The following CLMN variants were observed in gnomAD, a reference collection of about 807,000 sequenced individuals.
CLMN encodes calmin (calponin-like, transmembrane).
A neutral mutation model predicts 92.7 loss-of-function variants in CLMN; 57 were observed. That is an observed-to-expected ratio of 0.61 (90% CI 0.50 to 0.77). The LOEUF (loss-of-function observed/expected upper bound fraction) is 0.77, where lower values mean the gene tolerates loss of function less well. Among genes scored for constraint, CLMN ranks in the 30% least tolerant of loss-of-function variants. The probability of loss-of-function intolerance (pLI) is 0.00; values close to 1 mark genes in which losing one functional copy is unlikely to be tolerated. For synonymous variants in CLMN, 466 were observed against 470.6 expected (o/e 0.99, Z 0.13); for missense variants, 1,158 against 1,237.5 (o/e 0.94, Z 0.96).
chr14:95,277,586 T>C (rs184034624), intron 1 of CLMN, among the ~76,000 whole-genome samples: 213 of 152,364 alleles, frequency 1.4e-3, no homozygotes, highest in Non-Finnish European at 2.1e-3. Context: ...TGCCCAATGC[T>C]GTAGCTTAGT....
At chr14:95,312,156 T>A (rs11160241) in intron 1 of CLMN, among the ~76,000 whole-genome samples, 39,917 of 151,700 alleles carry the variant, frequency 0.26, 5,960 homozygotes, top group East Asian at 0.59. Context: ...CACCCTACAC[T>A]CCTGCAGGAC....
At chr14:95,313,667 G>GA (rs1006564859) in intron 1 of CLMN, among the ~76,000 whole-genome samples, 2 of 149,688 alleles carry the variant, frequency 1.3e-5, no homozygotes, top group East Asian at 3.9e-4. Context: ...CATGGGGAAA[G>GA]AAAAAAAATT....
At chr14:95,232,846 T>C (rs762636456) in intron 1 of CLMN, among the ~76,000 whole-genome samples, 8 of 152,224 alleles carry the variant, frequency 5.3e-5, no homozygotes, top group Non-Finnish European at 7.3e-5. Context: ...AGTCTGGTTG[T>C]TCCCCCTGTG....
At chr14:95,305,966 T>C (rs1045106233) in intron 1 of CLMN, among the ~76,000 whole-genome samples, 1 of 152,188 alleles carries the variant, frequency 6.6e-6, no homozygotes, top group Non-Finnish European at 1.5e-5. Flanking sequence ...AATTAGAGTA[T>C]AAGTTCATTT....
At chr14:95,229,356 T>C (rs947930199) in intron 2 of CLMN, among the ~76,000 whole-genome samples, 4 of 152,258 alleles carry the variant, frequency 2.6e-5, no homozygotes, top group South Asian at 2.1e-4. Flanking sequence ...TTTTGTTTTA[T>C]GGTGTGTGCA....
At chr14:95,275,684 AAC>A (rs1295055544) in intron 1 of CLMN, among the ~76,000 whole-genome samples, 1 of 152,170 alleles carries the variant, frequency 6.6e-6, no homozygotes, top group Non-Finnish European at 1.5e-5. Flanking sequence ...TTCTTTCTGA[AAC>A]AGTTTCACTT....
At chr14:95,253,337 G>C (rs1898862662) in intron 1 of CLMN, among the ~76,000 whole-genome samples, 1 of 152,176 alleles carries the variant, frequency 6.6e-6, no homozygotes, top group African/African-American at 2.4e-5. Context: ...TCACAGTCAG[G>C]GAGCAAGAGC....
At chr14:95,257,441 A>G (rs1899045808) in intron 1 of CLMN, among the ~76,000 whole-genome samples, 1 of 152,220 alleles carries the variant, frequency 6.6e-6, no homozygotes, top group Admixed American at 6.5e-5. Context: ...TCATAGAATA[A>G]TTATCTACTT....
chr14:95,205,388 T>A (rs183592319), intron 8 of CLMN, among the ~76,000 whole-genome samples: 2 of 152,110 alleles, frequency 1.3e-5, no homozygotes, highest in Non-Finnish European at 2.9e-5. Flanking sequence ...GGAGTTAGAA[T>A]TCACAAGCAA....
intron 1 of CLMN, among the ~76,000 whole-genome samples, chr14:95,248,858 T>C (rs952186880): frequency 1.3e-5 from 2 of 152,172 alleles, no homozygotes; most frequent in East Asian, 3.9e-4. Flanking sequence ...TTTTCTACCA[T>C]AAGTATATAT....
intron 1 of CLMN, among the ~76,000 whole-genome samples, chr14:95,308,843 T>C (rs1398121309): frequency 6.6e-6 from 1 of 152,228 alleles, no homozygotes; most frequent in Non-Finnish European, 1.5e-5. Context: ...TGCGCACGCA[T>C]GGGGGACCTT....
intron 1 of CLMN, among the ~76,000 whole-genome samples, chr14:95,282,202 G>A (rs2140742000): frequency 6.6e-6 from 1 of 152,340 alleles, no homozygotes; most frequent in South Asian, 2.1e-4. Context: ...AGCAGAGGAT[G>A]GGGCAGAAGG....
intron 1 of CLMN, among the ~76,000 whole-genome samples, chr14:95,305,445 T>C (rs996358863): frequency 6.6e-6 from 1 of 152,110 alleles, no homozygotes. Flanking sequence ...AAGAGAGAGT[T>C]CTCGCAAATT....
rs528161014 is a variant in CLMN at position 95,319,538 on chromosome 14, G to C, written c.82+173C>G. On this transcript the variant is annotated intron_variant, in intron 1 of 12. Coordinates refer to ENST00000298912, the MANE Select transcript of CLMN (RefSeq NM_024734.4). ...ACTGTAAACCTGGCCGCGGCTGGCC[G>C]CCCTGGGGCTTGGGGGCGGGTATCC... Among the ~76,000 whole-genome samples, 109 of 152,212 alleles carry C rather than the reference G, an allele frequency of 7.2e-4. 1 individual carries two copies. Among genetic ancestry groups the C allele is most frequent in the African/African-American group, 2.5e-3 (103 of 41,560 alleles).
At chr14:95,311,672 G>A (rs1004578094) in intron 1 of CLMN, among the ~76,000 whole-genome samples, 1 of 152,088 alleles carries the variant, frequency 6.6e-6, no homozygotes, top group Non-Finnish European at 1.5e-5. Flanking sequence ...CGTCTGGGAC[G>A]CACCATCCTG....
intron 1 of CLMN, among the ~76,000 whole-genome samples, chr14:95,276,745 G>A (rs1899944235): frequency 6.6e-6 from 1 of 152,168 alleles, no homozygotes; most frequent in South Asian, 2.1e-4. Context: ...AAAGACAACA[G>A]GGGACAATGG....
intron 1 of CLMN, among the ~76,000 whole-genome samples, chr14:95,265,240 C>G (rs1490656761): frequency 7.0e-6 from 1 of 142,750 alleles, no homozygotes; most frequent in Non-Finnish European, 1.5e-5. Context: ...GACTCTGAAT[C>G]AAAAAAAAAA....
chr14:95,289,384 G>A (rs538596001), intron 1 of CLMN, among the ~76,000 whole-genome samples: 2 of 151,916 alleles, frequency 1.3e-5, no homozygotes, highest in South Asian at 2.1e-4. Flanking sequence ...TCCCAGCTAC[G>A]TGGGAGGCTG....
At position 95,182,635 on chromosome 14, in the gene CLMN, G is replaced by A. The variant is rs960528706; in HGVS notation, c.*8929C>T. On this transcript the variant is annotated 3_prime_UTR_variant, in exon 13 of 13. Transcript: ENST00000298912. Reference sequence around the variant, plus strand: ...ACAAACACACCAGCATTTGGCTTAAGGGATCCTTGTTGGAATGCAAACGGC... The same window carrying A: ...ACAAACACACCAGCATTTGGCTTAAAGGATCCTTGTTGGAATGCAAACGGC... The A allele has an allele frequency of 1.3e-5, 2 of 152,236 alleles. No individual in the cohort carries two copies. The highest frequency in any genetic ancestry group is 2.9e-5 in the Non-Finnish European group (2 of 68,048). The allele number at this position is 152,236 out of a possible 1,614,324, so 9.4% of individuals were successfully genotyped here. A position where few individuals can be genotyped will look rare whatever the true frequency, so the allele number is the denominator to read the frequency against.
Sources: gnomAD v4.1 joint callset for allele counts (sites outside exome capture counted in the v4.1 genomes callset) on GRCh38, gnomAD v4.1.1 for gene constraint, MANE v1.5 for transcripts, NCBI Gene and HGNC (gene_info 2026-07-23, HGNC 2026-07-21) for gene names.